Variants in AQP9 observed in about 807,000 individuals in gnomAD.
AQP9 encodes the protein aquaporin-9.
A neutral mutation model predicts 23.8 loss-of-function variants in AQP9; 19 were observed. That is an observed-to-expected ratio of 0.80 (90% CI 0.56 to 1.17). The LOEUF is 1.17. Among genes scored for constraint, AQP9 ranks in the 50% most tolerant of loss-of-function variants. The pLI is 0.00. For missense variants in AQP9, 413 were observed against 362.0 expected (o/e 1.14, Z -1.14); for synonymous variants, 153 against 131.5 (o/e 1.16, Z -1.12).
intron 1 of AQP9, among the ~76,000 whole-genome samples, chr15:58,158,509 G>A (rs1898309562): frequency 6.6e-6 from 1 of 152,182 alleles, no homozygotes; most frequent in Admixed American, 6.5e-5. Context: ...GGGAATACAA[G>A]TAAAGCACTT....
intron 1 of AQP9, 32 bp from the exon 2 acceptor site, chr15:58,166,641 C>T: frequency 5.0e-6 from 8 of 1,590,748 alleles, no homozygotes; most frequent in Non-Finnish European, 6.8e-6. Context: ...TAGCCATCCC[C>T]ACTTACCTGT....
rs1290746156 is a variant in AQP9 at position 58,185,124 on chromosome 15, CT to C, written c.*992del. ...ATTGGGCTTAACAATTCACAAGGCA[CT>C]TTCACACCCATTATCTAATTTAATC... On this transcript the variant is annotated 3_prime_UTR_variant, in exon 6 of 6. Coordinates refer to ENST00000219919, the MANE Select transcript of AQP9 (RefSeq NM_020980.5). 1 of 152,178 alleles carries C rather than the reference CT, an allele frequency of 6.6e-6. No homozygotes were observed. The highest frequency in any genetic ancestry group is 1.5e-5 in the Non-Finnish European group (1 of 68,032). 9.4% of individuals were successfully genotyped at this position (152,178 alleles called of 1,614,324 possible). A position where few individuals can be genotyped will look rare whatever the true frequency, so the allele number is the denominator to read the frequency against.
At chr15:58,176,503 G>T (rs1428134355) in intron 4 of AQP9, among the ~76,000 whole-genome samples, 1 of 151,710 alleles carries the variant, frequency 6.6e-6, no homozygotes, top group Non-Finnish European at 1.5e-5. Context: ...GGGCAAAAAA[G>T]AAGAAAATTA....
intron 1 of AQP9, chr15:58,153,891 C>T (rs546455989): frequency 2.6e-5 from 4 of 152,214 alleles, no homozygotes; most frequent in African/African-American, 4.8e-5. Flanking sequence ...AGGACAACCT[C>T]GCTTCACAAC....
chr15:58,147,945 T>C (rs1898078999), intron 1 of AQP9, among the ~76,000 whole-genome samples: 1 of 152,086 alleles, frequency 6.6e-6, no homozygotes, highest in Non-Finnish European at 1.5e-5. Flanking sequence ...TGCACACTTT[T>C]TGACAACATA....
chr15:58,163,348 G>A (rs1416799528), intron 1 of AQP9, among the ~76,000 whole-genome samples: 2 of 152,204 alleles, frequency 1.3e-5, no homozygotes, highest in African/African-American at 4.8e-5. Flanking sequence ...GGCCTGCAGA[G>A]GAGGAGTGCG....
intron 2 of AQP9, among the ~76,000 whole-genome samples, chr15:58,168,425 T>C (rs532297649): frequency 4.6e-5 from 7 of 152,318 alleles, no homozygotes; most frequent in African/African-American, 1.4e-4. Context: ...GCAGTTAAGC[T>C]GGCTGGCCTC....
At chr15:58,147,299 AG>A (rs1166292174) in intron 1 of AQP9, among the ~76,000 whole-genome samples, 1 of 152,150 alleles carries the variant, frequency 6.6e-6, no homozygotes, top group Non-Finnish European at 1.5e-5. Flanking sequence ...TTGACGAGAA[AG>A]GAAAACATAC....
chr15:58,159,751 T>C (rs1278303755), intron 1 of AQP9, among the ~76,000 whole-genome samples: 1 of 152,208 alleles, frequency 6.6e-6, no homozygotes, highest in African/African-American at 2.4e-5. Context: ...AGTGAGAACA[T>C]TTGATGTCTG....
intron 2 of AQP9, among the ~76,000 whole-genome samples, chr15:58,168,648 G>A (rs1898558587): frequency 6.6e-6 from 1 of 152,152 alleles, no homozygotes; most frequent in Non-Finnish European, 1.5e-5. Context: ...TTGCAACCTT[G>A]ACCTCCCAGA....
chr15:58,160,646 TG>T (rs1474448459), intron 1 of AQP9, among the ~76,000 whole-genome samples: 3 of 151,084 alleles, frequency 2.0e-5, no homozygotes, highest in Non-Finnish European at 4.4e-5. Flanking sequence ...TGAAAAAAAA[TG>T]TACTTCCCTG....
intron 1 of AQP9, among the ~76,000 whole-genome samples, chr15:58,164,716 G>A (rs1412734047): frequency 6.6e-6 from 1 of 151,998 alleles, no homozygotes; most frequent in Admixed American, 6.6e-5. Context: ...TCTTAGAACT[G>A]GGGACTAGAA....
chr15:58,162,610 A>T (rs1287879602), intron 1 of AQP9, among the ~76,000 whole-genome samples: 1 of 152,220 alleles, frequency 6.6e-6, no homozygotes, highest in African/African-American at 2.4e-5. Flanking sequence ...CAGAACCAGC[A>T]AAATGGTATA....
rs1898970824 is a variant in AQP9 at position 58,184,458 on chromosome 15, T to C, written c.*323T>C. ...CTCGGCATCTTGACGATAGTCCCAT[T>C]TGGGTGGTTTCAGCTGCACTATCTG... On this transcript the variant is annotated 3_prime_UTR_variant, in exon 6 of 6. Coordinates refer to ENST00000219919, the MANE Select transcript of AQP9 (RefSeq NM_020980.5). 4.3e-6 allele frequency: 1 copy of C among 231,376 alleles called. No homozygotes were observed. Among genetic ancestry groups the C allele is most frequent in the South Asian group, 1.1e-4 (1 of 9,024 alleles). The allele number at this position is 231,376 out of a possible 1,614,324, so 14.3% of individuals were successfully genotyped here.
intron 1 of AQP9, chr15:58,152,933 C>G (rs1898178071): frequency 6.6e-6 from 1 of 151,998 alleles, no homozygotes; most frequent in Admixed American, 6.6e-5. Context: ...AAACTCAGAC[C>G]CTAATACTAA....
At chr15:58,172,328 G>C (rs1298758226) in intron 2 of AQP9, among the ~76,000 whole-genome samples, 3 of 152,230 alleles carry the variant, frequency 2.0e-5, no homozygotes, top group African/African-American at 4.8e-5. Flanking sequence ...AAATGCTGCT[G>C]TTGTTGTTAC....
intron 1 of AQP9, among the ~76,000 whole-genome samples, chr15:58,146,563 G>A (rs558704807): frequency 1.7e-4 from 26 of 152,066 alleles, no homozygotes; most frequent in East Asian, 9.6e-4. Context: ...CTCGAGTTGC[G>A]GGGGAGTGAA....
intron 5 of AQP9, among the ~76,000 whole-genome samples, chr15:58,182,949 CT>C (rs748940539): frequency 2.0e-5 from 3 of 152,150 alleles, no homozygotes; most frequent in Non-Finnish European, 4.4e-5. Context: ...GGACAGGGTT[CT>C]TGTGTCCTGC....
intron 1 of AQP9, among the ~76,000 whole-genome samples, chr15:58,147,706 C>T (rs139215252): frequency 5.9e-5 from 9 of 152,102 alleles, no homozygotes; most frequent in East Asian, 3.9e-4. Flanking sequence ...GAGTACCTCC[C>T]GAAAACCCTA....
Sources: gnomAD v4.1 joint callset for allele counts (sites outside exome capture counted in the v4.1 genomes callset) on GRCh38, gnomAD v4.1.1 for gene constraint, MANE v1.5 for transcripts, NCBI Gene and HGNC (gene_info 2026-07-23, HGNC 2026-07-21) for gene names.